Variants in UNC13B observed in about 807,000 individuals in gnomAD.
UNC13B encodes unc-13 homolog B.
In UNC13B, 144 loss-of-function variants were observed where a neutral mutation model predicts 211.0. The observed-to-expected ratio is 0.68, with a 90% CI of 0.60 to 0.78. The LOEUF (loss-of-function observed/expected upper bound fraction) is 0.78, where lower values mean the gene tolerates loss of function less well. Ranked by LOEUF, UNC13B falls within the 30% of genes least tolerant of loss-of-function variation. The pLI, the probability that UNC13B is intolerant of heterozygous loss-of-function variation, is 0.00. For synonymous variants in UNC13B, 709 were observed against 725.8 expected, an observed-to-expected ratio of 0.98 and a Z score of 0.37; for missense variants, 1,777 against 2,002.0, an observed-to-expected ratio of 0.89 and a Z score of 2.14.
chr9:35,403,608 C>CG lies in UNC13B; in HGVS notation c.12737+16dup, dbSNP rs766338782. ...AATGAGACATTCCACTTGTAAGTTACGGGGGGGACATACAGGACTCTGGGA... is the reference window on the plus strand; with the variant it reads ...AATGAGACATTCCACTTGTAAGTTACGGGGGGGGACATACAGGACTCTGGGA... On this transcript the variant is annotated intron_variant, in intron 39 of 39. Coordinates refer to ENST00000635942, the MANE Select transcript of UNC13B (RefSeq NM_001371189.2). 25 of 1,292,202 alleles carry CG rather than the reference C, an allele frequency of 1.9e-5. No individual in the cohort carries two copies. Among genetic ancestry groups the CG allele is most frequent in the East Asian group, 9.2e-5 (2 of 21,790 alleles). The allele number at this position is 1,292,202 out of a possible 1,614,324, so 80.0% of individuals were successfully genotyped here.
rs1183321173 is a variant in UNC13B, at chr9:35,259,076, C to A, written c.526+26C>A. Reference sequence around the variant, plus strand: ...GTAAGTGAGAAACTTGTCTATGAATCTCTTTTAATTGTAGCTTTCTGTCGC... The same window carrying A: ...GTAAGTGAGAAACTTGTCTATGAATATCTTTTAATTGTAGCTTTCTGTCGC... On this transcript the variant is annotated intron_variant, in intron 7 of 39. Coordinates refer to ENST00000635942, the MANE Select transcript of UNC13B (RefSeq NM_001371189.2). 1.9e-6 allele frequency: 3 copies of A among 1,612,000 alleles called. No homozygotes were observed. In the South Asian group the frequency reaches 3.3e-5, roughly 18 times the overall value.
chr9:35,218,982 C>G (rs898194472), intron 1 of UNC13B, among the ~76,000 whole-genome samples: 1 of 152,108 alleles, frequency 6.6e-6, no homozygotes, highest in Non-Finnish European at 1.5e-5. Flanking sequence ...CTCCCAACCT[C>G]GGGTGATCTG....
At chr9:35,217,163 C>CT (rs1437618278) in intron 1 of UNC13B, among the ~76,000 whole-genome samples, 1 of 152,068 alleles carries the variant, frequency 6.6e-6, no homozygotes, top group African/African-American at 2.4e-5. Flanking sequence ...CAGGTTTTTT[C>CT]TTTTTGATAT....
chr9:35,207,756 A>G (rs910239442), intron 1 of UNC13B, among the ~76,000 whole-genome samples: 2 of 152,206 alleles, frequency 1.3e-5, no homozygotes, highest in Non-Finnish European at 2.9e-5. Flanking sequence ...TGCTAGATAC[A>G]AAACTCTTAT....
chr9:35,199,058 T>C (rs1823112551), intron 1 of UNC13B, among the ~76,000 whole-genome samples: 1 of 151,672 alleles, frequency 6.6e-6, no homozygotes, highest in South Asian at 2.1e-4. Flanking sequence ...CCCCACCCTG[T>C]GTCCATTCCC....
chr9:35,341,420 T>G (rs981285449), intron 11 of UNC13B, among the ~76,000 whole-genome samples: 1 of 152,162 alleles, frequency 6.6e-6, no homozygotes, highest in African/African-American at 2.4e-5. Context: ...TGACAACAGA[T>G]TATATATACA....
intron 1 of UNC13B, among the ~76,000 whole-genome samples, chr9:35,219,705 A>G (rs931103284): frequency 1.3e-5 from 2 of 151,952 alleles, no homozygotes; most frequent in Admixed American, 1.3e-4. Flanking sequence ...TTGCATACCC[A>G]TGTAGTTGCC....
intron 1 of UNC13B, among the ~76,000 whole-genome samples, chr9:35,168,468 A>G (rs1484185640): frequency 6.6e-6 from 1 of 152,084 alleles, no homozygotes; most frequent in Non-Finnish European, 1.5e-5. Context: ...CTTTATGTGT[A>G]ATTTTCTCAT....
chr9:35,165,019 G>A lies in UNC13B; in HGVS notation c.22+2714G>A, dbSNP rs143757170. Among the ~76,000 whole-genome samples the A allele has an allele frequency of 3.0e-3, 456 of 152,304 alleles. 3 individuals are homozygous for A. In the Middle Eastern group the frequency reaches 0.037, roughly 12 times the overall value. On this transcript the variant is annotated intron_variant, in intron 1 of 39. Coordinates refer to ENST00000635942, the MANE Select transcript of UNC13B (RefSeq NM_001371189.2). ...CAGCTGTGGTATTTCCTTCTAAGAA[G>A]CATATTGAGAAGCTAGGTTATCTTA... is the stretch of plus-strand genomic sequence containing the variant.
At chr9:35,319,277 C>T (rs1465701154) in intron 11 of UNC13B, among the ~76,000 whole-genome samples, 1 of 151,568 alleles carries the variant, frequency 6.6e-6, no homozygotes, top group African/African-American at 2.4e-5. Flanking sequence ...GTGGTGCATA[C>T]CTGTAATCCC....
chr9:35,359,194 A>C (rs1019525554), intron 11 of UNC13B, among the ~76,000 whole-genome samples: 1 of 152,128 alleles, frequency 6.6e-6, no homozygotes, highest in African/African-American at 2.4e-5. Context: ...TATTCTATTG[A>C]TATTCAGTCT....
chr9:35,204,392 A>G (rs988170074), intron 1 of UNC13B, among the ~76,000 whole-genome samples: 3 of 152,202 alleles, frequency 2.0e-5, no homozygotes, highest in Non-Finnish European at 4.4e-5. Flanking sequence ...CTGTGAGAAG[A>G]GGGCCACTGT....
chr9:35,224,082 A>G (rs1209694946), intron 1 of UNC13B, among the ~76,000 whole-genome samples: 2 of 152,168 alleles, frequency 1.3e-5, no homozygotes, highest in Admixed American at 6.5e-5. Context: ...GTCAGATAGC[A>G]TGATACCTTC....
intron 24 of UNC13B, among the ~76,000 whole-genome samples, chr9:35,387,516 T>TA (rs1208900806): frequency 6.6e-6 from 1 of 152,234 alleles, no homozygotes; most frequent in Admixed American, 6.5e-5. Context: ...TTTTACTTGA[T>TA]ACATTCTAGG....
At chr9:35,274,741 A>C (rs1828076483) in intron 7 of UNC13B, among the ~76,000 whole-genome samples, 1 of 152,188 alleles carries the variant, frequency 6.6e-6, no homozygotes, top group African/African-American at 2.4e-5. Flanking sequence ...CACTTCTTGA[A>C]GCCATAATAT....
chr9:35,388,869 G>A (rs1463461591), intron 24 of UNC13B, among the ~76,000 whole-genome samples: 1 of 152,206 alleles, frequency 6.6e-6, no homozygotes, highest in Non-Finnish European at 1.5e-5. Context: ...CTGCAAGGAG[G>A]AGGGATTGGA....
intron 1 of UNC13B, among the ~76,000 whole-genome samples, chr9:35,198,158 G>A (rs949634588): frequency 1.1e-4 from 16 of 151,866 alleles, no homozygotes; most frequent in African/African-American, 3.1e-4. Context: ...CAAATCTCAC[G>A]TCGAATTGTA....
At chr9:35,292,664 ACT>A (rs1271275955) in intron 7 of UNC13B, among the ~76,000 whole-genome samples, 1 of 152,134 alleles carries the variant, frequency 6.6e-6, no homozygotes, top group Non-Finnish European at 1.5e-5. Flanking sequence ...TATTAGACTG[ACT>A]CTATATTCTG....
intron 7 of UNC13B, among the ~76,000 whole-genome samples, chr9:35,263,516 A>G (rs1328581053): frequency 1.3e-5 from 2 of 152,036 alleles, no homozygotes; most frequent in Non-Finnish European, 2.9e-5. Context: ...TGCATTTTCT[A>G]TCTGTCTCAT....
Sources: gnomAD v4.1 joint callset for allele counts (sites outside exome capture counted in the v4.1 genomes callset) on GRCh38, gnomAD v4.1.1 for gene constraint, MANE v1.5 for transcripts, NCBI Gene and HGNC (gene_info 2026-07-23, HGNC 2026-07-21) for gene names.